C1QBP: variants seen among roughly 807,000 people sequenced by gnomAD.
The protein encoded by C1QBP is complement component 1 Q subcomponent-binding protein, mitochondrial.
Under a neutral mutation model 29.4 loss-of-function variants are expected in C1QBP, and 24 were observed. The ratio of observed to expected loss-of-function variants is 0.82; its 90% CI spans 0.59 to 1.15. C1QBP has a LOEUF of 1.15. Ranked by LOEUF, C1QBP falls within the 50% of genes most tolerant of loss-of-function variation. C1QBP has a pLI of 0.00. For synonymous variants in C1QBP, 182 were observed against 149.2 expected, an observed-to-expected ratio of 1.22 and a Z score of -1.60; for missense variants, 337 against 355.8, an observed-to-expected ratio of 0.95 and a Z score of 0.43.
At position 5,438,961 on chromosome 17, in the gene C1QBP, A is replaced by G. The variant is rs1263258087; in HGVS notation, c.113T>C (p.Leu38Pro). Residue 38 changes from leucine to proline, a missense_variant, in exon 1 of 6, where the codon CTG (leucine) becomes CCG (proline). By Grantham distance (98) the Leu-to-Pro change is moderately conservative. Coordinates refer to ENST00000225698, the MANE Select transcript of C1QBP (RefSeq NM_001212.4). ...GAGCAGCCCGAAGGGCCGGGTGCAC[A>G]GCCGGGGTGCCGGCTGCAGGAGCTG... The part of the protein sequence containing the change: ...FRQLLQPAPR[L>P]CTRPFGLLSV... The G allele has an allele frequency of 1.3e-6, 2 of 1,505,446 alleles. No homozygotes were observed. 93.3% of individuals were successfully genotyped at this position (1,505,446 alleles called of 1,614,324 possible). A position where few individuals can be genotyped will look rare whatever the true frequency, so the allele number is the denominator to read the frequency against.
In C1QBP at chr17:5,438,992, A is replaced by AAGGCG; in HGVS notation, c.77_81dup (p.Phe28ArgfsTer61). On this transcript the variant is annotated frameshift_variant, in exon 1 of 6. Transcript: ENST00000225698. LOFTEE classifies it high-confidence loss of function. ...GGTGCCGGCTGCAGGAGCTGCCGGA[A>AAGGCG]AGGCGAGGCGGGCGCGGCAGCGCGG... 1 of 1,503,326 alleles carries AAGGCG rather than the reference A, an allele frequency of 6.7e-7. No homozygotes were observed. The highest frequency in any genetic ancestry group is 8.9e-7 in the Non-Finnish European group (1 of 1,128,550). The allele number at this position is 1,503,326 out of a possible 1,614,324, so 93.1% of individuals were successfully genotyped here. A position where few individuals can be genotyped will look rare whatever the true frequency, so the allele number is the denominator to read the frequency against.
intron 3 of C1QBP, chr17:5,434,234 C>T (rs369151874): frequency 5.0e-5 from 10 of 200,032 alleles, no homozygotes; most frequent in Admixed American, 1.6e-4. Context: ...CTGGGTCCAA[C>T]GTCAGGGAGA....
At chr17:5,433,881 T>C in intron 3 of C1QBP, 114 bp from the exon 4 acceptor site, 1 of 906,668 alleles carries the variant, frequency 1.1e-6, no homozygotes, top group East Asian at 2.4e-5. Context: ...TATGTAGCCA[T>C]TTGAATAGTC....
rs1916124327 is a variant in C1QBP at position 5,432,878 on chromosome 17, T to TATA, written c.*134_*136dup. ...TGATAATAAATGAGAACACAAAACA[T>TATA]ATAATTTAAATTTGGTATTTTTTCC... On this transcript the variant is annotated 3_prime_UTR_variant, in exon 6 of 6. Coordinates refer to ENST00000225698, the MANE Select transcript of C1QBP (RefSeq NM_001212.4). 1 of 1,065,044 alleles carries TATA rather than the reference T, an allele frequency of 9.4e-7. No homozygotes were observed. Among genetic ancestry groups the TATA allele is most frequent in the African/African-American group, 1.6e-5 (1 of 62,158 alleles). 66.0% of individuals were successfully genotyped at this position (1,065,044 alleles called of 1,614,324 possible).
At chr17:5,433,836 T>C (rs946169210) in intron 3 of C1QBP, 69 bp from the exon 4 acceptor site, 2 of 1,357,510 alleles carry the variant, frequency 1.5e-6, no homozygotes, top group Non-Finnish European at 2.1e-6. Context: ...AGGATCTCTG[T>C]TCAGAGTGTC....
intron 4 of C1QBP, 75 bp from the exon 5 acceptor site, chr17:5,433,490 T>G (rs1031896869): frequency 1.3e-6 from 2 of 1,589,968 alleles, no homozygotes; most frequent in Admixed American, 1.7e-5. Flanking sequence ...AGGGGGCCAC[T>G]GACAGCATGA....
chr17:5,434,702 G>A (rs1402096054), intron 3 of C1QBP, 171 bp downstream of exon 3: 6 of 491,004 alleles, frequency 1.2e-5, no homozygotes, highest in African/African-American at 9.7e-5. Flanking sequence ...TCTTGACCTC[G>A]TGATCTGCCC....
At chr17:5,438,020 A>G (rs1916320918) in intron 2 of C1QBP, 103 bp downstream of exon 2, 4 of 1,415,430 alleles carry the variant, frequency 2.8e-6, no homozygotes, top group Non-Finnish European at 3.8e-6. Context: ...CCCATTTATC[A>G]AAGTATCCAC....
intron 5 of C1QBP, 61 bp from the exon 6 acceptor site, chr17:5,433,225 TTC>T: frequency 6.2e-7 from 1 of 1,609,880 alleles, no homozygotes. Flanking sequence ...AAATGCTTTT[TTC>T]TCCCCTTGAA....
intron 4 of C1QBP, 61 bp downstream of exon 4, chr17:5,433,608 G>A: frequency 8.9e-6 from 14 of 1,565,468 alleles, no homozygotes; most frequent in Non-Finnish European, 1.1e-5. Context: ...GGGACAGGAA[G>A]TTCCCAAGGG....
intron 2 of C1QBP, among the ~76,000 whole-genome samples, chr17:5,435,419 C>T (rs779487529): frequency 6.6e-5 from 10 of 152,088 alleles, no homozygotes; most frequent in South Asian, 2.1e-4. Context: ...AGACTTTCCC[C>T]GTCAGAAAAT....
intron 3 of C1QBP, among the ~76,000 whole-genome samples, chr17:5,434,353 CTG>C (rs1916197283): frequency 6.6e-6 from 1 of 151,990 alleles, no homozygotes; most frequent in Non-Finnish European, 1.5e-5. Flanking sequence ...TCTAGGGACT[CTG>C]TGGCCCTCAT....
In C1QBP at chr17:5,439,023, G is replaced by A. The variant is rs1360026886; in HGVS notation, c.51C>T (p.Ala17=). 1.3e-6 allele frequency: 2 copies of A among 1,506,774 alleles called. No individual in the cohort carries two copies. Among genetic ancestry groups the A allele is most frequent in the Non-Finnish European group, 1.8e-6 (2 of 1,129,804 alleles). 93.3% of individuals were successfully genotyped at this position (1,506,774 alleles called of 1,614,324 possible). Residue 17 remains alanine (A), a synonymous_variant, in exon 1 of 6, where the codon GCC becomes GCT. Transcript: ENST00000225698. ...CVPRVLGSSV[A]GLRAAAPASP... ...AGGCGGGCGCGGCAGCGCGGAGGCC[G>A]GCGACGGAGGAGCCCAGCACACGGG...
chr17:5,434,830 C>G (rs756627894), intron 3 of C1QBP, 43 bp downstream of exon 3: 1 of 1,551,130 alleles, frequency 6.4e-7, no homozygotes, highest in Non-Finnish European at 8.9e-7. Flanking sequence ...CCAGGCACAG[C>G]CTGTCAGAAC....
At position 5,433,172 on chromosome 17, in the gene C1QBP, G is replaced by C. The variant is rs185497470; in HGVS notation, c.700-8C>G. 2 of 1,610,448 alleles carry C rather than the reference G, an allele frequency of 1.2e-6. No homozygotes were observed. ...TAGGTGGTCATATAAGGCCTGCAAAGAACAATATTTACTAGTTAAAAAAAA... is the reference window on the plus strand; with the variant it reads ...TAGGTGGTCATATAAGGCCTGCAAACAACAATATTTACTAGTTAAAAAAAA... On this transcript the variant is annotated splice_polypyrimidine_tract_variant and splice_region_variant and intron_variant, in intron 5 of 5. Coordinates refer to ENST00000225698, the MANE Select transcript of C1QBP (RefSeq NM_001212.4).
At chr17:5,434,706 T>C (rs1916219582) in intron 3 of C1QBP, 167 bp downstream of exon 3, 1 of 506,340 alleles carries the variant, frequency 2.0e-6, no homozygotes, top group African/African-American at 1.9e-5. Flanking sequence ...GACCTCGTGA[T>C]CTGCCCGTCT....
intron 2 of C1QBP, among the ~76,000 whole-genome samples, chr17:5,436,869 T>G (rs543957142): frequency 6.6e-6 from 1 of 151,944 alleles, no homozygotes; most frequent in Admixed American, 6.6e-5. Context: ...AATACAAAAA[T>G]TAACCGGACG....
At position 5,438,917 on chromosome 17, in the gene C1QBP, C is replaced by G; in HGVS notation, c.157G>C (p.Glu53Gln). 6.5e-7 allele frequency: 1 copy of G among 1,537,408 alleles called. No homozygotes were observed. The highest frequency in any genetic ancestry group is 8.8e-7 in the Non-Finnish European group (1 of 1,141,868). ...GGCCGCAGGAGGCCCGGCCGCCGCT[C>G]GGAACCTGCGCGCACGCTGAGCAGC... is the stretch of plus-strand genomic sequence containing the variant. ...FGLLSVRAGS[E>Q]RRPGLLRPRG... The change falls in exon 1 of 6, where the codon GAG (glutamate) becomes CAG (glutamine). Residue 53 changes from glutamate to glutamine, a missense_variant. Physicochemically the swap from Glu to Gln is conservative, Grantham distance 29. Transcript: ENST00000225698.
chr17:5,435,822 G>A (rs1443035217), intron 2 of C1QBP, among the ~76,000 whole-genome samples: 1 of 141,696 alleles, frequency 7.1e-6, no homozygotes, highest in Non-Finnish European at 1.5e-5. Context: ...GAGGTCAAGA[G>A]ATCGAGACCA....
Sources: allele counts gnomAD v4.1 joint callset (sites outside exome capture counted in the v4.1 genomes callset), GRCh38; gene constraint gnomAD v4.1.1; transcripts MANE v1.5; gene names NCBI Gene and HGNC (gene_info 2026-07-23, HGNC 2026-07-21).